Variants in EYS observed in about 807,000 individuals in gnomAD.
The protein encoded by EYS is EGF-like photoreceptor maintenance factor.
Under a neutral mutation model 282.1 loss-of-function variants are expected in EYS, and 250 were observed. The observed-to-expected ratio is 0.89, with a 90% confidence interval of 0.80 to 0.98. The LOEUF (loss-of-function observed/expected upper bound fraction) is 0.98, where lower values mean the gene tolerates loss of function less well. Ranked by LOEUF, EYS falls within the 50% of genes least tolerant of loss-of-function variation. The pLI is 0.00. For missense variants in EYS, 4,016 were observed against 3,709.0 expected, an observed-to-expected ratio of 1.08 and a Z score of -2.15; for synonymous variants, 1,355 against 1,282.9, an observed-to-expected ratio of 1.06 and a Z score of -1.20.
intron 35 of EYS, among the ~76,000 whole-genome samples, chr6:63,925,402 T>TA (rs1189701070): frequency 2.0e-5 from 3 of 152,344 alleles, no homozygotes; most frequent in Middle Eastern, 3.4e-3. Context: ...TGAGCATTCT[T>TA]ACATGAAAAT....
At chr6:65,334,921 T>C (rs1163293367) in intron 11 of EYS, 59 bp downstream of exon 11, 3 of 1,493,152 alleles carry the variant, frequency 2.0e-6, no homozygotes, top group Non-Finnish European at 9.3e-7. Context: ...TCGATGACTA[T>C]CAATTTAATT....
intron 22 of EYS, among the ~76,000 whole-genome samples, chr6:64,684,590 A>AT (rs149937688): frequency 2.5e-5 from 2 of 78,552 alleles, no homozygotes; most frequent in Non-Finnish European, 7.1e-5. Flanking sequence ...TATAGGAAAA[A>AT]AAATATATAG....
intron 22 of EYS, among the ~76,000 whole-genome samples, chr6:64,761,892 T>A (rs1202567588): frequency 1.3e-5 from 2 of 152,172 alleles, no homozygotes; most frequent in African/African-American, 4.8e-5. Context: ...CACATAAAAA[T>A]TACCTTTTGG....
At chr6:63,874,816 G>C (rs1034196419) in intron 35 of EYS, among the ~76,000 whole-genome samples, 1 of 152,288 alleles carries the variant, frequency 6.6e-6, no homozygotes. Flanking sequence ...TTTGGACATC[G>C]ATTTTGTATC....
At chr6:64,308,816 A>G (rs1477265360) in intron 29 of EYS, among the ~76,000 whole-genome samples, 1 of 152,120 alleles carries the variant, frequency 6.6e-6, no homozygotes, top group Non-Finnish European at 1.5e-5. Context: ...GAACTAGAAA[A>G]TAAAACAATA....
At chr6:65,617,453 A>G (rs1162750951) in intron 2 of EYS, among the ~76,000 whole-genome samples, 6 of 152,098 alleles carry the variant, frequency 3.9e-5, no homozygotes, top group Non-Finnish European at 8.8e-5. Flanking sequence ...ATTACATAAA[A>G]TTAGCAAGGT....
intron 42 of EYS, 21 bp downstream of exon 42, chr6:63,726,498 C>T: frequency 6.5e-7 from 1 of 1,541,464 alleles, no homozygotes; most frequent in East Asian, 2.5e-5. Context: ...ATTCTGCAAA[C>T]AAACAGCCTG....
intron 26 of EYS, among the ~76,000 whole-genome samples, chr6:64,446,220 A>G (rs563080050): frequency 6.6e-6 from 1 of 152,280 alleles, no homozygotes; most frequent in South Asian, 2.1e-4. Context: ...GTAATTATTT[A>G]AGTTTTCAGT....
chr6:65,590,774 G>A (rs1032550007), intron 2 of EYS, among the ~76,000 whole-genome samples: 17 of 151,492 alleles, frequency 1.1e-4, no homozygotes, highest in African/African-American at 3.6e-4. Context: ...TGTCCTCCAG[G>A]CAATTTCGTG....
At chr6:65,090,592 T>A (rs918356257) in intron 12 of EYS, among the ~76,000 whole-genome samples, 2 of 152,124 alleles carry the variant, frequency 1.3e-5, no homozygotes, top group Non-Finnish European at 2.9e-5. Context: ...TTTTATTTAA[T>A]ATTTCCTAAA....
intron 31 of EYS, among the ~76,000 whole-genome samples, chr6:64,095,893 C>T (rs887256564): frequency 2.6e-4 from 40 of 152,148 alleles, no homozygotes; most frequent in Admixed American, 9.2e-4. Context: ...TGGCTGGTAC[C>T]GGTTGCTCCT....
chr6:64,430,776 G>T (rs1437869525), intron 28 of EYS, among the ~76,000 whole-genome samples: 1 of 152,106 alleles, frequency 6.6e-6, no homozygotes, highest in Non-Finnish European at 1.5e-5. Context: ...ATGCAGAAAG[G>T]GGTGGGATTT....
chr6:64,158,049 CA>C (rs1240011570), intron 31 of EYS, among the ~76,000 whole-genome samples: 1 of 152,220 alleles, frequency 6.6e-6, no homozygotes, highest in Non-Finnish European at 1.5e-5. Flanking sequence ...TGGAAAGCCA[CA>C]GGGGTGGAGC....
intron 29 of EYS, among the ~76,000 whole-genome samples, chr6:64,381,823 T>A (rs1772756652): frequency 6.6e-6 from 1 of 152,208 alleles, no homozygotes; most frequent in Non-Finnish European, 1.5e-5. Flanking sequence ...ATTTACATAC[T>A]TATCAGTTAA....
intron 12 of EYS, among the ~76,000 whole-genome samples, chr6:65,211,567 G>A (rs1163998739): frequency 6.6e-6 from 1 of 151,928 alleles, no homozygotes; most frequent in African/African-American, 2.4e-5. Flanking sequence ...GTCATCCAAA[G>A]TACTGACTTT....
intron 5 of EYS, among the ~76,000 whole-genome samples, chr6:65,471,131 C>T (rs906604402): frequency 4.0e-5 from 6 of 150,090 alleles, no homozygotes; most frequent in East Asian, 3.9e-4. Flanking sequence ...AGCACGACGC[C>T]GTCTCAAAAA....
chr6:64,543,162 C>T (rs1764741826), intron 26 of EYS, among the ~76,000 whole-genome samples: 1 of 152,036 alleles, frequency 6.6e-6, no homozygotes, highest in Non-Finnish European at 1.5e-5. Flanking sequence ...TAATTTATAG[C>T]TTTAAGTTTC....
chr6:64,939,649 C>T (rs181672433), intron 15 of EYS, among the ~76,000 whole-genome samples: 23 of 151,490 alleles, frequency 1.5e-4, no homozygotes, highest in African/African-American at 5.6e-4. Context: ...GGTGGACAAA[C>T]ATAAGTGATG....
intron 26 of EYS, among the ~76,000 whole-genome samples, chr6:64,460,730 T>C (rs1378006829): frequency 6.6e-6 from 1 of 152,254 alleles, no homozygotes; most frequent in Non-Finnish European, 1.5e-5. Flanking sequence ...TTCTTCTTAA[T>C]GTTCAGGTTT....
Sources: allele counts gnomAD v4.1 joint callset (sites outside exome capture counted in the v4.1 genomes callset), GRCh38; gene constraint gnomAD v4.1.1; transcripts MANE v1.5; gene names NCBI Gene and HGNC (gene_info 2026-07-23, HGNC 2026-07-21).